Variants in GPM6A observed in about 807,000 individuals in gnomAD.
GPM6A encodes neuronal membrane glycoprotein M6-a.
Under a neutral mutation model 32.1 loss-of-function variants are expected in GPM6A, and 7 were observed. The ratio of observed to expected loss-of-function variants is 0.22; its 90% CI spans 0.12 to 0.41. The LOEUF (loss-of-function observed/expected upper bound fraction) is 0.41. Among genes scored for constraint, GPM6A ranks in the 10% least tolerant of loss-of-function variants. The probability of loss-of-function intolerance (pLI) is 1.00; values close to 1 mark genes in which losing one functional copy is unlikely to be tolerated. For missense variants in GPM6A, 235 were observed against 347.2 expected (o/e 0.68, Z 2.57); for synonymous variants, 130 against 123.4 (o/e 1.05, Z -0.35).
intron 1 of GPM6A, among the ~76,000 whole-genome samples, chr4:175,875,219 G>C (rs1737045522): frequency 6.6e-6 from 1 of 152,172 alleles, no homozygotes; most frequent in South Asian, 2.1e-4. Context: ...ACAGCTCCCA[G>C]TTTCTGGCTT....
intron 1 of GPM6A, among the ~76,000 whole-genome samples, chr4:175,732,806 T>C (rs1190635388): frequency 3.3e-5 from 5 of 152,240 alleles, no homozygotes; most frequent in Non-Finnish European, 4.4e-5. Flanking sequence ...TATTATGATA[T>C]AATGCTAAGA....
chr4:175,643,618 G>GC (rs1560847094), intron 4 of GPM6A, among the ~76,000 whole-genome samples: 1 of 152,072 alleles, frequency 6.6e-6, no homozygotes, highest in Non-Finnish European at 1.5e-5. Flanking sequence ...CATGAGCAGA[G>GC]CAAGAGAGAC....
At chr4:175,641,530 C>T (rs1741143611) in intron 4 of GPM6A, 1 of 152,224 alleles carries the variant, frequency 6.6e-6, no homozygotes, top group African/African-American at 2.4e-5. Flanking sequence ...GCAAAAGTAA[C>T]CAAGTTCATC....
intron 4 of GPM6A, among the ~76,000 whole-genome samples, chr4:175,650,278 ATTTATTTATTTATTTATTTAT>A (rs1017150095): frequency 0.027 from 224 of 8,162 alleles, 3 homozygotes; most frequent in South Asian, 0.24. Flanking sequence ...TATTTTATTT[ATTTATTTATTTATTTATTTAT>A]TTATTTATTT....
chr4:175,696,542 G>C (rs2111050764), intron 2 of GPM6A, among the ~76,000 whole-genome samples: 1 of 152,222 alleles, frequency 6.6e-6, no homozygotes, highest in South Asian at 2.1e-4. Context: ...CAAAAGTTAG[G>C]AATTCAGTAT....
In GPM6A at chr4:175,660,517, G is replaced by A. The variant is rs956008477; in HGVS notation, c.388-8530C>T. Among the ~76,000 whole-genome samples, 5 of 151,962 alleles carry A rather than the reference G, an allele frequency of 3.3e-5. No homozygotes were observed. In the East Asian group the frequency reaches 9.6e-4, roughly 29 times the overall value. On this transcript the variant is annotated intron_variant, in intron 3 of 6. Transcript: ENST00000393658. ...AATAGAAACACTAGACATACTCTTGGCTTGTAAATATTTTCTTAGAAATAT... is the reference window on the plus strand; with the variant it reads ...AATAGAAACACTAGACATACTCTTGACTTGTAAATATTTTCTTAGAAATAT...
chr4:175,728,453 GT>G (rs1464570089), intron 1 of GPM6A, among the ~76,000 whole-genome samples: 1 of 152,022 alleles, frequency 6.6e-6, no homozygotes, highest in Non-Finnish European at 1.5e-5. Flanking sequence ...TGTGTTTATT[GT>G]TTTTTTGACC....
At chr4:175,668,049 T>C (rs1742845180) in intron 3 of GPM6A, among the ~76,000 whole-genome samples, 1 of 152,204 alleles carries the variant, frequency 6.6e-6, no homozygotes, top group African/African-American at 2.4e-5. Context: ...AACTAGATGC[T>C]TTACACAGTT....
intron 1 of GPM6A, among the ~76,000 whole-genome samples, chr4:175,791,654 G>A (rs1010709670): frequency 6.6e-6 from 1 of 152,016 alleles, no homozygotes; most frequent in African/African-American, 2.4e-5. Context: ...CTTAATAGAT[G>A]GAGACTACTA....
At chr4:175,763,361 T>A (rs1018283235) in intron 1 of GPM6A, among the ~76,000 whole-genome samples, 1 of 152,168 alleles carries the variant, frequency 6.6e-6, no homozygotes, top group Non-Finnish European at 1.5e-5. Context: ...TGAACATCAA[T>A]GAACTCATAA....
chr4:175,667,902 A>G (rs1482883581), intron 3 of GPM6A, among the ~76,000 whole-genome samples: 1 of 152,198 alleles, frequency 6.6e-6, no homozygotes, highest in Non-Finnish European at 1.5e-5. Context: ...AAAATGTTGA[A>G]CATTTTGAGA....
chr4:175,652,091 G>T, intron 3 of GPM6A, 104 bp from the exon 4 acceptor site: 1 of 764,766 alleles, frequency 1.3e-6, no homozygotes, highest in Non-Finnish European at 2.1e-6. Flanking sequence ...ATGGGATACA[G>T]TACATAAGTC....
At chr4:175,663,078 C>T (rs1742524452) in intron 3 of GPM6A, among the ~76,000 whole-genome samples, 1 of 152,174 alleles carries the variant, frequency 6.6e-6, no homozygotes, top group Non-Finnish European at 1.5e-5. Context: ...AAACTAATTA[C>T]AATGTAGGAT....
chr4:175,776,215 T>C (rs1226242582), intron 1 of GPM6A, among the ~76,000 whole-genome samples: 1 of 152,160 alleles, frequency 6.6e-6, no homozygotes. Context: ...AATTCAATAT[T>C]ATACTGAGTC....
rs557552099 is a variant in GPM6A, at chr4:175,871,195, G to A, written c.-22-58946C>T. 2.8e-4 allele frequency among the ~76,000 whole-genome samples: 43 copies of A among 152,138 alleles called. 1 individual carries two copies. Among genetic ancestry groups the A allele is most frequent in the Non-Finnish European group, 6.0e-4 (41 of 68,014 alleles). On this transcript the variant is annotated intron_variant, in intron 1 of 7. Transcript: ENST00000280187. The stretch of plus-strand genomic sequence containing the variant: ...TTCAAAAGAATTCAGTCTGCCAGGC[G>A]CAGTGGCTCAGGCCTGTAATCCCAG...
At chr4:175,781,355 A>T (rs758489993) in intron 1 of GPM6A, 3 of 152,204 alleles carry the variant, frequency 2.0e-5, no homozygotes, top group Non-Finnish European at 4.4e-5. Flanking sequence ...CTTCTGTTGT[A>T]GCATTGACCA....
chr4:175,742,190 A>C (rs1731914116), intron 1 of GPM6A, among the ~76,000 whole-genome samples: 1 of 152,112 alleles, frequency 6.6e-6, no homozygotes. Flanking sequence ...CTCATATTGC[A>C]ATGTGGGACA....
chr4:175,817,715 G>T (rs780320350), intron 1 of GPM6A, among the ~76,000 whole-genome samples: 1 of 152,170 alleles, frequency 6.6e-6, no homozygotes, highest in East Asian at 1.9e-4. Flanking sequence ...AATACATGAA[G>T]GCCTATGGAG....
At chr4:175,739,582 T>C (rs1731797662) in intron 1 of GPM6A, among the ~76,000 whole-genome samples, 1 of 152,136 alleles carries the variant, frequency 6.6e-6, no homozygotes, top group Admixed American at 6.5e-5. Flanking sequence ...AATGCAAAGA[T>C]TGGTAGAATG....
Sources: allele counts gnomAD v4.1 joint callset (sites outside exome capture counted in the v4.1 genomes callset), GRCh38; gene constraint gnomAD v4.1.1; transcripts MANE v1.5; gene names NCBI Gene and HGNC (gene_info 2026-07-23, HGNC 2026-07-21).